Variants in AAK1 observed in about 807,000 individuals in gnomAD.
AAK1 encodes AP2-associated protein kinase 1.
Under a neutral mutation model 116.0 loss-of-function variants are expected in AAK1, and 37 were observed. The ratio of observed to expected loss-of-function variants is 0.32; its 90% CI spans 0.25 to 0.42. AAK1 has a LOEUF of 0.42. Among genes scored for constraint, AAK1 ranks in the 10% least tolerant of loss-of-function variants. The probability of loss-of-function intolerance (pLI) is 1.00; values close to 1 mark genes in which losing one functional copy is unlikely to be tolerated. For synonymous variants in AAK1, 458 were observed against 439.9 expected (o/e 1.04, Z -0.51); for missense variants, 919 against 1,170.6 (o/e 0.79, Z 3.14).
intron 9 of AAK1, among the ~76,000 whole-genome samples, chr2:69,526,515 C>T (rs377344486): frequency 8.1e-4 from 123 of 152,190 alleles, no homozygotes; most frequent in African/African-American, 2.8e-3. Flanking sequence ...GCCATGTTGG[C>T]CAGGCTGGTC....
chr2:69,475,011 G>T lies in AAK1; in HGVS notation c.*858C>A, dbSNP rs1274528119. ...CCAGTGAAAAGTCTTCTAATAAAAGGTATCATATTACCACCGTCTTGTTTT... is the reference window on the plus strand; with the variant it reads ...CCAGTGAAAAGTCTTCTAATAAAAGTTATCATATTACCACCGTCTTGTTTT... On this transcript the variant is annotated 3_prime_UTR_variant, in exon 22 of 22. Coordinates refer to ENST00000409085, the MANE Select transcript of AAK1 (RefSeq NM_014911.5). 1 of 936,894 alleles carries T rather than the reference G, an allele frequency of 1.1e-6. No individual in the cohort carries two copies. Among genetic ancestry groups the T allele is most frequent in the East Asian group, 1.4e-4 (1 of 6,978 alleles). 58.0% of individuals were successfully genotyped at this position (936,894 alleles called of 1,614,324 possible). A position where few individuals can be genotyped will look rare whatever the true frequency, so the allele number is the denominator to read the frequency against.
intron 2 of AAK1, among the ~76,000 whole-genome samples, chr2:69,559,425 C>G (rs1444177445): frequency 3.3e-5 from 5 of 151,954 alleles, no homozygotes; most frequent in Non-Finnish European, 7.4e-5. Flanking sequence ...CCACCCCCTG[C>G]CAAAGTTATT....
At chr2:69,547,972 C>A (rs2312202) in intron 3 of AAK1, among the ~76,000 whole-genome samples, 76,742 of 151,918 alleles carry the variant, frequency 0.51, 21,130 homozygotes, top group East Asian at 0.77. Flanking sequence ...TGAACCTTAA[C>A]AACAATATGC....
intron 2 of AAK1, among the ~76,000 whole-genome samples, chr2:69,624,102 G>T (rs1674791100): frequency 6.6e-6 from 1 of 151,932 alleles, no homozygotes; most frequent in Non-Finnish European, 1.5e-5. Flanking sequence ...AGAGAGGGAG[G>T]GAACACGTCC....
At chr2:69,510,253 T>G (rs959898964) in intron 13 of AAK1, among the ~76,000 whole-genome samples, 9 of 152,218 alleles carry the variant, frequency 5.9e-5, no homozygotes, top group Non-Finnish European at 1.2e-4. Context: ...TTTGCGTCCA[T>G]GAGTTCTCAT....
Position 69,484,306 on chromosome 2 carries a change from AACT to A in AAK1, c.2366-1497_2366-1495del, listed in dbSNP as rs1428874154. Among the ~76,000 whole-genome samples the A allele has an allele frequency of 4.6e-5, 7 of 152,228 alleles. No homozygotes were observed. In the East Asian group the frequency reaches 1.3e-3, roughly 29 times the overall value. Reference sequence around the variant, plus strand: ...GTGATCTTCAATTTAGGTGATCTGTAACTACACAGGTCAAACAAAAGAATGGAT... The same window carrying A: ...GTGATCTTCAATTTAGGTGATCTGTAACACAGGTCAAACAAAAGAATGGAT... On this transcript the variant is annotated intron_variant, in intron 17 of 21. Transcript: ENST00000409085.
At chr2:69,477,961 T>C (rs1253861286) in intron 20 of AAK1, among the ~76,000 whole-genome samples, 3 of 152,246 alleles carry the variant, frequency 2.0e-5, no homozygotes, top group East Asian at 1.9e-4. Context: ...AAGCCAGGCA[T>C]TGAGCCTGAC....
intron 8 of AAK1, among the ~76,000 whole-genome samples, chr2:69,529,376 T>G (rs116334107): frequency 2.0e-5 from 3 of 152,040 alleles, no homozygotes; most frequent in Admixed American, 2.0e-4. Context: ...CATTTTAGTA[T>G]AGGGGCTTTG....
At chr2:69,589,868 G>T (rs1021239166) in intron 2 of AAK1, among the ~76,000 whole-genome samples, 2 of 152,138 alleles carry the variant, frequency 1.3e-5, no homozygotes, top group African/African-American at 4.8e-5. Flanking sequence ...TCAGGCACAG[G>T]GAAGTGAGCA....
chr2:69,552,444 G>A (rs904617782), intron 3 of AAK1, among the ~76,000 whole-genome samples: 1 of 152,222 alleles, frequency 6.6e-6, no homozygotes, highest in Non-Finnish European at 1.5e-5. Flanking sequence ...TAGCTGCAGT[G>A]GCTCAAGCCT....
chr2:69,641,506 A>C (rs752827211), intron 2 of AAK1, among the ~76,000 whole-genome samples: 3 of 152,212 alleles, frequency 2.0e-5, no homozygotes, highest in Non-Finnish European at 4.4e-5. Flanking sequence ...AACAGTACTG[A>C]GATTGGAAGA....
At chr2:69,486,228 C>G (rs1399984432) in intron 17 of AAK1, among the ~76,000 whole-genome samples, 1 of 152,118 alleles carries the variant, frequency 6.6e-6, no homozygotes, top group Non-Finnish European at 1.5e-5. Context: ...TCCTGAGTTG[C>G]TGACATTACA....
In AAK1 at chr2:69,467,471, G is replaced by A; in HGVS notation, c.*8398C>T. The stretch of plus-strand genomic sequence containing the variant: ...TGTCATTGGGCACATGTTAGCAAGA[G>A]GGCAGGAAAAAGGCATATGTAACTA... On this transcript the variant is annotated 3_prime_UTR_variant, in exon 22 of 22. Transcript: ENST00000409085. 1 of 985,344 alleles carries A rather than the reference G, an allele frequency of 1.0e-6. No homozygotes were observed. Among genetic ancestry groups the A allele is most frequent in the Non-Finnish European group, 1.2e-6 (1 of 829,906 alleles). 61.0% of individuals were successfully genotyped at this position (985,344 alleles called of 1,614,324 possible).
chr2:69,487,582 G>A (rs182122770), intron 17 of AAK1, among the ~76,000 whole-genome samples: 9 of 152,106 alleles, frequency 5.9e-5, no homozygotes, highest in Non-Finnish European at 1.3e-4. Flanking sequence ...CATTCTTCTG[G>A]GACAGTTCAT....
At chr2:69,543,025 A>C (rs557846373) in intron 4 of AAK1, among the ~76,000 whole-genome samples, 1 of 152,182 alleles carries the variant, frequency 6.6e-6, no homozygotes, top group Non-Finnish European at 1.5e-5. Flanking sequence ...TCAACTTGCC[A>C]TATCTTTTAG....
chr2:69,589,726 A>AAAG (rs1672950295), intron 2 of AAK1, among the ~76,000 whole-genome samples: 1 of 146,976 alleles, frequency 6.8e-6, no homozygotes, highest in Admixed American at 7.0e-5. Context: ...AAAAAAAAAA[A>AAAG]AAAGAAAGAA....
chr2:69,624,588 C>A (rs978098073), intron 2 of AAK1, among the ~76,000 whole-genome samples: 14 of 152,200 alleles, frequency 9.2e-5, no homozygotes, highest in Non-Finnish European at 5.9e-5. Context: ...ATTCCACTAT[C>A]ATAATAGATT....
intron 2 of AAK1, among the ~76,000 whole-genome samples, chr2:69,601,976 C>T (rs1673600498): frequency 6.6e-6 from 1 of 152,188 alleles, no homozygotes; most frequent in Non-Finnish European, 1.5e-5. Flanking sequence ...GACAAGTAGG[C>T]ATCAGGACCT....
In AAK1 at chr2:69,553,056, T is replaced by C. The variant is rs1420021971; in HGVS notation, c.282+3804A>G. Among the ~76,000 whole-genome samples the C allele has an allele frequency of 2.0e-5, 3 of 151,304 alleles. No individual in the cohort carries two copies. The East Asian group carries it at 5.8e-4, about 29-fold the overall frequency. ...GAAAATCAATTCAGGAGAACCAATA[T>C]CCAAATTATAGAAATTTCAGAAAAA... On this transcript the variant is annotated intron_variant, in intron 3 of 21. Transcript: ENST00000409085.
Sources: gnomAD v4.1 joint callset for allele counts (sites outside exome capture counted in the v4.1 genomes callset) on GRCh38, gnomAD v4.1.1 for gene constraint, MANE v1.5 for transcripts, NCBI Gene and HGNC (gene_info 2026-07-23, HGNC 2026-07-21) for gene names.